Variants in HEMK2 observed in about 807,000 individuals in gnomAD.
HEMK2 encodes methyltransferase HEMK2.
At chr21:28,667,366 A>G in the HEMK2 span, among the ~76,000 whole-genome samples, 3 of 152,314 alleles carry the variant, frequency 2.0e-5, no homozygotes, top group East Asian at 5.8e-4. Context: ...TGATGAAAGA[A>G]TTAGAATATG....
At chr21:28,831,529 A>AAGAAGGAC in the HEMK2 span, among the ~76,000 whole-genome samples, 1 of 74,182 alleles carries the variant, frequency 1.3e-5, no homozygotes, top group Non-Finnish European at 2.4e-5. Flanking sequence ...GAAAGAAGGA[A>AAGAAGGAC]AGAAGGAAAG....
the HEMK2 span, among the ~76,000 whole-genome samples, chr21:28,871,232 G>A: frequency 1.3e-5 from 2 of 152,178 alleles, no homozygotes. Context: ...GTAAAGAAAA[G>A]AAGTTTAATT....
At chr21:28,768,565 T>A in the HEMK2 span, among the ~76,000 whole-genome samples, 21 of 152,170 alleles carry the variant, frequency 1.4e-4, no homozygotes, top group African/African-American at 5.1e-4. Context: ...CTTCTCCTCA[T>A]GTTCAGCCTA....
chr21:28,686,418 A>C, the HEMK2 span, among the ~76,000 whole-genome samples: 1 of 151,992 alleles, frequency 6.6e-6, no homozygotes, highest in Non-Finnish European at 1.5e-5. Flanking sequence ...TATTTTTAGT[A>C]GACATGGGGT....
chr21:28,869,804 TAAAG>T, the HEMK2 span, among the ~76,000 whole-genome samples: 1 of 152,206 alleles, frequency 6.6e-6, no homozygotes, highest in Non-Finnish European at 1.5e-5. Context: ...GTGTCACTAA[TAAAG>T]AACTTGGTAC....
chr21:28,582,697 T>C, the HEMK2 span, among the ~76,000 whole-genome samples: 1 of 152,178 alleles, frequency 6.6e-6, no homozygotes, highest in Non-Finnish European at 1.5e-5. Context: ...TCATACAAAA[T>C]AATTTATTTC....
At chr21:28,707,619 C>T in the HEMK2 span, among the ~76,000 whole-genome samples, 1 of 151,894 alleles carries the variant, frequency 6.6e-6, no homozygotes, top group Non-Finnish European at 1.5e-5. Flanking sequence ...CAGAGAATTG[C>T]CTGCTTGTAA....
chr21:28,679,394 C>A, the HEMK2 span, among the ~76,000 whole-genome samples: 83 of 152,290 alleles, frequency 5.5e-4, 1 homozygote, highest in East Asian at 0.015. Flanking sequence ...ATTCATAAAG[C>A]AAGTCCTTAG....
At chr21:28,667,243 A>C in the HEMK2 span, among the ~76,000 whole-genome samples, 1 of 152,138 alleles carries the variant, frequency 6.6e-6, no homozygotes, top group Non-Finnish European at 1.5e-5. Flanking sequence ...ATATATAAAC[A>C]TGTGTTGTTT....
the HEMK2 span, among the ~76,000 whole-genome samples, chr21:28,811,418 AAGGAAGG>A: frequency 1.2e-4 from 17 of 136,246 alleles, no homozygotes; most frequent in Middle Eastern, 3.6e-3. Context: ...GGAAGGAAGG[AAGGAAGG>A]AGGGAGAGAG....
the HEMK2 span, among the ~76,000 whole-genome samples, chr21:28,756,578 TGAGA>T: frequency 1.3e-5 from 2 of 152,204 alleles, no homozygotes; most frequent in African/African-American, 2.4e-5. Flanking sequence ...AACAACCTTG[TGAGA>T]TAGATATCAC....
At chr21:28,683,972 A>G in the HEMK2 span, among the ~76,000 whole-genome samples, 3 of 152,182 alleles carry the variant, frequency 2.0e-5, no homozygotes, top group Non-Finnish European at 4.4e-5. Context: ...TTTATTTTCT[A>G]TGTGGCACTG....
chr21:28,749,925 T>C, the HEMK2 span, among the ~76,000 whole-genome samples: 2 of 152,364 alleles, frequency 1.3e-5, no homozygotes, highest in Admixed American at 1.3e-4. Flanking sequence ...TGGATTGACA[T>C]GCCAAAACCA....
the HEMK2 span, among the ~76,000 whole-genome samples, chr21:28,876,722 C>T: frequency 8.0e-3 from 1,211 of 152,218 alleles, 46 homozygotes; most frequent in South Asian, 0.11. Context: ...GCTTGCTTTG[C>T]AGTCACAGCC....
the HEMK2 span, among the ~76,000 whole-genome samples, chr21:28,672,912 T>C: frequency 6.6e-6 from 1 of 150,982 alleles, no homozygotes; most frequent in South Asian, 2.1e-4. Flanking sequence ...CCTTTTCTAT[T>C]CTTCCTTCTA....
At chr21:28,623,756 T>C in the HEMK2 span, among the ~76,000 whole-genome samples, 1 of 152,164 alleles carries the variant, frequency 6.6e-6, no homozygotes, top group Non-Finnish European at 1.5e-5. Flanking sequence ...CACCGCATGT[T>C]CTCACTCATG....
the HEMK2 span, among the ~76,000 whole-genome samples, chr21:28,838,947 C>CAA: frequency 1.6e-3 from 33 of 20,970 alleles, 3 homozygotes; most frequent in South Asian, 2.7e-3. Flanking sequence ...AACTCCGCCT[C>CAA]AAAAAAAAAA....
chr21:28,735,930 A>G, the HEMK2 span, among the ~76,000 whole-genome samples: 1 of 152,262 alleles, frequency 6.6e-6, no homozygotes, highest in Non-Finnish European at 1.5e-5. Context: ...GGTGGAATTC[A>G]GCCTCCTGCG....
chr21:28,781,753 T>C, the HEMK2 span, among the ~76,000 whole-genome samples: 10,215 of 152,292 alleles, frequency 0.067, 387 homozygotes, highest in Middle Eastern at 0.12. Context: ...GTCATTTATA[T>C]GGGTATAGTT....
Sources: gnomAD v4.1 joint callset for allele counts (sites outside exome capture counted in the v4.1 genomes callset) on GRCh38, gnomAD v4.1.1 for gene constraint, MANE v1.5 for transcripts, NCBI Gene and HGNC (gene_info 2026-07-23, HGNC 2026-07-21) for gene names.